SYNE2: variants seen among roughly 807,000 people sequenced by gnomAD.
The protein encoded by SYNE2 is nesprin-2.
SYNE2 carries 431 observed loss-of-function variants against 856.3 expected under a neutral mutation model. The ratio of observed to expected loss-of-function variants is 0.50; its 90% confidence interval spans 0.47 to 0.55. The LOEUF (loss-of-function observed/expected upper bound fraction) is 0.55, where lower values mean the gene tolerates loss of function less well. SYNE2 is among the 20% of genes least tolerant of loss of function. The probability of loss-of-function intolerance (pLI) is 0.00; values close to 1 mark genes in which losing one functional copy is unlikely to be tolerated. For synonymous variants in SYNE2, 2,923 were observed against 2,872.3 expected (o/e 1.02, Z -0.56); for missense variants, 8,129 against 8,023.2 (o/e 1.01, Z -0.50).
chr14:64,051,313 CTT>C (rs1025969839), intron 47 of SYNE2, among the ~76,000 whole-genome samples: 2 of 141,742 alleles, frequency 1.4e-5, no homozygotes, highest in Non-Finnish European at 1.5e-5. Context: ...ATTTTCTTTG[CTT>C]TTTTTTTTTC....
At chr14:63,765,854 G>T (rs1218351179) in intron 1 of SYNE2, among the ~76,000 whole-genome samples, 2 of 151,974 alleles carry the variant, frequency 1.3e-5, no homozygotes, top group Admixed American at 6.6e-5. Flanking sequence ...AATTATATCT[G>T]CCCTGGCCAG....
In SYNE2 at chr14:63,967,558, C is replaced by G. The variant is rs116766172; in HGVS notation, c.991-151C>G. On this transcript the variant is annotated intron_variant, in intron 10 of 115. Transcript: ENST00000555002. ...TATCACAGTGCACTGAAGAAGGAAA[C>G]CAGAGCAGAGAGAGGATACTGGATT... 1.5e-3 allele frequency: 1,056 copies of G among 715,078 alleles called. 11 individuals carry two copies. In the African/African-American group the frequency reaches 0.018, roughly 12 times the overall value. The allele number at this position is 715,078 out of a possible 1,614,324, so 44.3% of individuals were successfully genotyped here. A position where few individuals can be genotyped will look rare whatever the true frequency, so the allele number is the denominator to read the frequency against.
chr14:64,020,084 TGAA>T lies in SYNE2; in HGVS notation c.5143_5145del (p.Glu1715del). The T allele has an allele frequency of 6.2e-7, 1 of 1,610,206 alleles. No homozygotes were observed. The highest frequency in any genetic ancestry group is 1.3e-5 in the African/African-American group (1 of 74,986). ...TGCTCCAAAGCAGTGAAATACCTCT[TGAA>T]TTGCAGGTAAGAATTTTTATTTAAA... On this transcript the variant is annotated inframe_deletion, in exon 35 of 116. Transcript: ENST00000555002.
chr14:63,928,845 C>T (rs923375656), intron 2 of SYNE2, among the ~76,000 whole-genome samples: 2 of 152,034 alleles, frequency 1.3e-5, no homozygotes, highest in Non-Finnish European at 2.9e-5. Context: ...CTTACCGTGT[C>T]CGTCCTAGCT....
At chr14:63,837,754 CA>C (rs1307512475) in intron 1 of SYNE2, among the ~76,000 whole-genome samples, 1 of 150,684 alleles carries the variant, frequency 6.6e-6, no homozygotes, top group Non-Finnish European at 1.5e-5. Context: ...CCTGTCTCTA[CA>C]AAAAAATGTA....
At chr14:64,156,460 C>CT (rs780034696) in intron 85 of SYNE2, among the ~76,000 whole-genome samples, 13,706 of 144,456 alleles carry the variant, frequency 0.095, 610 homozygotes, top group Non-Finnish European at 0.1. Context: ...TTTTTCTTTC[C>CT]TTTTTTTTTT....
intron 61 of SYNE2, among the ~76,000 whole-genome samples, chr14:64,096,611 A>T (rs955318008): frequency 6.6e-6 from 1 of 152,220 alleles, no homozygotes; most frequent in Admixed American, 6.5e-5. Context: ...TAAGTCAAAC[A>T]GTTGTTATTT....
intron 2 of SYNE2, among the ~76,000 whole-genome samples, chr14:63,916,810 G>A (rs1467200162): frequency 6.6e-6 from 1 of 152,090 alleles, no homozygotes; most frequent in East Asian, 1.9e-4. Context: ...CTCGGCTGGT[G>A]CAGTGGCTCA....
At chr14:63,922,316 T>C (rs1195818598) in intron 2 of SYNE2, among the ~76,000 whole-genome samples, 1 of 152,240 alleles carries the variant, frequency 6.6e-6, no homozygotes, top group Non-Finnish European at 1.5e-5. Context: ...AGATGTTTTA[T>C]TGAATGAGCA....
At chr14:63,860,035 G>A (rs532443814) in intron 1 of SYNE2, among the ~76,000 whole-genome samples, 1 of 132,414 alleles carries the variant, frequency 7.6e-6, no homozygotes, top group African/African-American at 2.8e-5. Flanking sequence ...TTGCCCAGCT[G>A]GCTGGAGTGC....
intron 68 of SYNE2, 141 bp downstream of exon 68, chr14:64,121,202 C>A: frequency 8.5e-7 from 1 of 1,178,372 alleles, no homozygotes; most frequent in Non-Finnish European, 1.2e-6. Flanking sequence ...CCAGCCTGGG[C>A]AACATAGCGA....
chr14:63,969,032 G>C (rs2096437248), intron 11 of SYNE2, among the ~76,000 whole-genome samples: 1 of 152,046 alleles, frequency 6.6e-6, no homozygotes, highest in African/African-American at 2.4e-5. Context: ...CTGTCTCCAT[G>C]AGTTAAACTG....
intron 11 of SYNE2, among the ~76,000 whole-genome samples, chr14:63,969,137 A>G (rs1220157033): frequency 1.4e-5 from 2 of 147,494 alleles, no homozygotes; most frequent in Non-Finnish European, 3.0e-5. Flanking sequence ...TTCCACTTCC[A>G]TCCACATTGT....
At chr14:64,166,492 A>G (rs2098379944) in intron 90 of SYNE2, among the ~76,000 whole-genome samples, 1 of 152,156 alleles carries the variant, frequency 6.6e-6, no homozygotes, top group African/African-American at 2.4e-5. Context: ...GCTTTCTTGC[A>G]ATGTCATGTT....
chr14:64,033,472 A>C lies in SYNE2; in HGVS notation c.7221+2115A>C, dbSNP rs544322807. On this transcript the variant is annotated intron_variant, in intron 45 of 115. Transcript: ENST00000555002. Reference sequence around the variant, plus strand: ...GGTGGATAGATTGCTTGAGCCCAGGAGTTCAAGACCAGCCTGGGCAACATG... The same window carrying C: ...GGTGGATAGATTGCTTGAGCCCAGGCGTTCAAGACCAGCCTGGGCAACATG... 4.6e-5 allele frequency among the ~76,000 whole-genome samples: 7 copies of C among 151,922 alleles called. No individual in the cohort carries two copies. The East Asian group carries it at 1.4e-3, about 29-fold the overall frequency.
At chr14:63,779,441 A>T (rs1162658260) in intron 1 of SYNE2, among the ~76,000 whole-genome samples, 1 of 145,322 alleles carries the variant, frequency 6.9e-6, no homozygotes, top group South Asian at 2.1e-4. Flanking sequence ...ACTGGTCTCA[A>T]AAAAAAAAAA....
chr14:63,789,784 AAAAG>A (rs1042421304), intron 1 of SYNE2, among the ~76,000 whole-genome samples: 9 of 151,412 alleles, frequency 5.9e-5, no homozygotes, highest in Non-Finnish European at 7.4e-5. Flanking sequence ...CAAAAAAAAA[AAAAG>A]AAGAAGAAGT....
chr14:63,857,559 A>G (rs1454356077), intron 1 of SYNE2, among the ~76,000 whole-genome samples: 1 of 152,224 alleles, frequency 6.6e-6, no homozygotes, highest in East Asian at 1.9e-4. Context: ...ACTTTTCCAA[A>G]GTGGTTATAT....
chr14:64,203,086 TC>T, intron 100 of SYNE2, 123 bp downstream of exon 100: 1 of 1,335,544 alleles, frequency 7.5e-7, no homozygotes, highest in Non-Finnish European at 1.0e-6. Flanking sequence ...GTTTGCTTTT[TC>T]CAGAGAAAAC....
Sources: gnomAD v4.1 joint callset for allele counts (sites outside exome capture counted in the v4.1 genomes callset) on GRCh38, gnomAD v4.1.1 for gene constraint, MANE v1.5 for transcripts, NCBI Gene and HGNC (gene_info 2026-07-23, HGNC 2026-07-21) for gene names.